Variants in TAX1BP1 observed in about 807,000 individuals in gnomAD.
TAX1BP1 encodes Tax1 binding protein 1.
In TAX1BP1, 62 loss-of-function variants were observed where a neutral mutation model predicts 97.7. The ratio of observed to expected loss-of-function variants is 0.63; its 90% CI spans 0.52 to 0.78. The LOEUF is 0.78. Among genes scored for constraint, TAX1BP1 ranks in the 30% least tolerant of loss-of-function variants. The pLI is 0.00. For missense variants in TAX1BP1, 867 were observed against 916.1 expected, an observed-to-expected ratio of 0.95 and a Z score of 0.69; for synonymous variants, 340 against 304.2, an observed-to-expected ratio of 1.12 and a Z score of -1.23.
chr7:27,819,422 T>G (rs1790892646), intron 15 of TAX1BP1, among the ~76,000 whole-genome samples: 1 of 152,216 alleles, frequency 6.6e-6, no homozygotes, highest in Non-Finnish European at 1.5e-5. Context: ...CATTTCCTGT[T>G]TCTCATTGAT....
chr7:27,823,922 G>A (rs1791073917), intron 15 of TAX1BP1, among the ~76,000 whole-genome samples: 1 of 152,138 alleles, frequency 6.6e-6, no homozygotes, highest in Non-Finnish European at 1.5e-5. Flanking sequence ...CATCCATGTT[G>A]TAAACATGTA....
intron 5 of TAX1BP1, among the ~76,000 whole-genome samples, chr7:27,770,422 T>C (rs1387455554): frequency 6.6e-6 from 1 of 152,080 alleles, no homozygotes; most frequent in Non-Finnish European, 1.5e-5. Context: ...GAAAAAACAG[T>C]TATCTAGTCA....
chr7:27,780,373 C>T (rs1254197233), intron 5 of TAX1BP1, among the ~76,000 whole-genome samples: 1 of 152,136 alleles, frequency 6.6e-6, no homozygotes, highest in African/African-American at 2.4e-5. Flanking sequence ...AGCTGTGTAA[C>T]CTTTGATAAA....
intron 9 of TAX1BP1, among the ~76,000 whole-genome samples, 166 bp downstream of exon 9, chr7:27,792,396 A>G (rs1010113553): frequency 1.3e-5 from 2 of 152,180 alleles, no homozygotes; most frequent in African/African-American, 4.8e-5. Flanking sequence ...CTTACAGTTA[A>G]TGTGTGCTGT....
chr7:27,811,258 A>T (rs989956887), intron 13 of TAX1BP1, among the ~76,000 whole-genome samples: 1 of 152,194 alleles, frequency 6.6e-6, no homozygotes, highest in African/African-American at 2.4e-5. Context: ...TCTTAACCTC[A>T]CAGTTTTACA....
chr7:27,783,132 T>C (rs1789328407), intron 5 of TAX1BP1, among the ~76,000 whole-genome samples: 1 of 152,200 alleles, frequency 6.6e-6, no homozygotes, highest in Admixed American at 6.5e-5. Context: ...CCCCAATTTT[T>C]ATGATTGTTT....
intron 2 of TAX1BP1, among the ~76,000 whole-genome samples, chr7:27,755,372 A>C (rs1788174564): frequency 6.6e-6 from 1 of 152,034 alleles, no homozygotes; most frequent in African/African-American, 2.4e-5. Flanking sequence ...TTCATCTCCA[A>C]ACATCAGTCC....
At chr7:27,819,138 T>G (rs1790882806) in intron 15 of TAX1BP1, among the ~76,000 whole-genome samples, 1 of 152,150 alleles carries the variant, frequency 6.6e-6, no homozygotes, top group South Asian at 2.1e-4. Flanking sequence ...AAGAATGATG[T>G]TATTTCTTTC....
intron 15 of TAX1BP1, among the ~76,000 whole-genome samples, chr7:27,825,213 T>A (rs1791132040): frequency 6.6e-6 from 1 of 151,898 alleles, no homozygotes; most frequent in South Asian, 2.1e-4. Flanking sequence ...AGTTCTTGTC[T>A]TGCTTTTCTT....
At chr7:27,806,382 T>A (rs963113962) in intron 13 of TAX1BP1, among the ~76,000 whole-genome samples, 1 of 144,100 alleles carries the variant, frequency 6.9e-6, no homozygotes, top group Non-Finnish European at 1.5e-5. Flanking sequence ...CACCATCAGT[T>A]TTTTTTTTTT....
intron 13 of TAX1BP1, among the ~76,000 whole-genome samples, chr7:27,810,930 C>G (rs1042676715): frequency 1.3e-5 from 2 of 152,026 alleles, no homozygotes; most frequent in East Asian, 1.9e-4. Flanking sequence ...TCTCAAATGG[C>G]TCTTCTCTAT....
chr7:27,829,037 C>T lies in TAX1BP1; in HGVS notation c.*208C>T. 1 of 440,434 alleles carries T rather than the reference C, an allele frequency of 2.3e-6. No homozygotes were observed. The highest frequency in any genetic ancestry group is 4.0e-6 in the Non-Finnish European group (1 of 251,532). The allele number at this position is 440,434 out of a possible 1,614,324, so 27.3% of individuals were successfully genotyped here. The stretch of plus-strand genomic sequence containing the variant: ...TAAATTTTAATCTCTGTTAATCTTA[C>T]CTGCTTTAAAAAAAAGTTCTTGTGT... On this transcript the variant is annotated 3_prime_UTR_variant, in exon 17 of 17. Coordinates refer to ENST00000396319, the MANE Select transcript of TAX1BP1 (RefSeq NM_006024.7).
chr7:27,811,249 C>G (rs1207606461), intron 13 of TAX1BP1, among the ~76,000 whole-genome samples: 2 of 152,200 alleles, frequency 1.3e-5, no homozygotes, highest in Non-Finnish European at 2.9e-5. Flanking sequence ...GGAATGCCAT[C>G]TTAACCTCAC....
intron 1 of TAX1BP1, among the ~76,000 whole-genome samples, chr7:27,742,791 C>A (rs1783482563): frequency 6.6e-6 from 1 of 152,170 alleles, no homozygotes; most frequent in African/African-American, 2.4e-5. Flanking sequence ...TTGTAGACCG[C>A]TGTTTATAGT....
chr7:27,766,938 A>G (rs778354507), intron 4 of TAX1BP1, among the ~76,000 whole-genome samples: 1 of 152,126 alleles, frequency 6.6e-6, no homozygotes, highest in African/African-American at 2.4e-5. Context: ...TAAAAAGAAA[A>G]TTTAAAAAGC....
chr7:27,818,952 G>GAC (rs772683643), intron 15 of TAX1BP1, among the ~76,000 whole-genome samples: 1 of 152,066 alleles, frequency 6.6e-6, no homozygotes, highest in Non-Finnish European at 1.5e-5. Context: ...CTGTCAAATG[G>GAC]ACTAAACCAG....
intron 9 of TAX1BP1, among the ~76,000 whole-genome samples, chr7:27,792,763 A>G (rs1789767231): frequency 6.6e-6 from 1 of 152,008 alleles, no homozygotes; most frequent in Non-Finnish European, 1.5e-5. Flanking sequence ...GGAATTCAAG[A>G]CCAGCCCGGG....
intron 8 of TAX1BP1, among the ~76,000 whole-genome samples, chr7:27,791,791 T>G (rs555925136): frequency 1.1e-3 from 161 of 152,258 alleles, no homozygotes; most frequent in African/African-American, 3.7e-3. Flanking sequence ...GTGTATAAAG[T>G]AGTAGCAGTG....
intron 5 of TAX1BP1, among the ~76,000 whole-genome samples, chr7:27,771,267 T>TC (rs1469904706): frequency 2.0e-5 from 3 of 150,454 alleles, no homozygotes; most frequent in East Asian, 1.9e-4. Context: ...TTTTTTTTTT[T>TC]CACTGTATTA....
Sources: allele counts gnomAD v4.1 joint callset (sites outside exome capture counted in the v4.1 genomes callset), GRCh38; gene constraint gnomAD v4.1.1; transcripts MANE v1.5; gene names NCBI Gene and HGNC (gene_info 2026-07-23, HGNC 2026-07-21).